The following TMEM87A variants were observed in gnomAD, a reference collection of about 807,000 sequenced individuals.
TMEM87A encodes transmembrane protein 87A, also known as Golgi-pH regulating cation channel.
A neutral mutation model predicts 90.0 loss-of-function variants in TMEM87A; 50 were observed. The observed-to-expected ratio is 0.56, with a 90% CI of 0.44 to 0.70. The LOEUF is 0.70. Ranked by LOEUF, TMEM87A falls within the 30% of genes least tolerant of loss-of-function variation. TMEM87A has a pLI of 0.00. For synonymous variants in TMEM87A, 226 were observed against 226.7 expected (o/e 1.00, Z 0.03); for missense variants, 577 against 660.5 (o/e 0.87, Z 1.39).
At chr15:42,212,484 C>G (rs2050308308) in intron 19 of TMEM87A, among the ~76,000 whole-genome samples, 1 of 152,166 alleles carries the variant, frequency 6.6e-6, no homozygotes. Flanking sequence ...GTTCTCCACT[C>G]CATCCAAGCC....
At chr15:42,263,357 T>C (rs2051334222) in intron 4 of TMEM87A, among the ~76,000 whole-genome samples, 1 of 152,230 alleles carries the variant, frequency 6.6e-6, no homozygotes, top group Non-Finnish European at 1.5e-5. Context: ...GTCAAATTCA[T>C]GGAAAGTAGA....
At chr15:42,270,648 C>A (rs10518757) in intron 2 of TMEM87A, among the ~76,000 whole-genome samples, 138,479 of 152,120 alleles carry the variant, frequency 0.91, 64,365 homozygotes, top group Non-Finnish European at 1. Context: ...TCAAACTACA[C>A]GAGAAAAAAA....
chr15:42,270,953 A>T (rs570871480), intron 2 of TMEM87A, among the ~76,000 whole-genome samples: 2 of 152,358 alleles, frequency 1.3e-5, no homozygotes, highest in East Asian at 3.9e-4. Flanking sequence ...ATAATTACTC[A>T]CTAAACAATT....
intron 6 of TMEM87A, chr15:42,258,192 C>T (rs2051218984): frequency 1.0e-6 from 1 of 969,648 alleles, no homozygotes; most frequent in Admixed American, 6.2e-5. Context: ...CAATATTTAC[C>T]AAACTGACGA....
chr15:42,214,493 G>A (rs2050348940), intron 19 of TMEM87A, among the ~76,000 whole-genome samples: 1 of 152,176 alleles, frequency 6.6e-6, no homozygotes, highest in East Asian at 1.9e-4. Context: ...TGACCAAGTG[G>A]AACAAAATAG....
intron 11 of TMEM87A, among the ~76,000 whole-genome samples, chr15:42,231,548 C>CA (rs1168167759): frequency 3.9e-5 from 6 of 151,960 alleles, no homozygotes; most frequent in African/African-American, 1.5e-4. Flanking sequence ...GACCATATTC[C>CA]AAAAAAGTTC....
intron 8 of TMEM87A, 86 bp downstream of exon 8, chr15:42,239,584 T>G (rs2050834616): frequency 2.6e-5 from 30 of 1,149,424 alleles, no homozygotes; most frequent in Middle Eastern, 4.0e-4. Flanking sequence ...AACAATTCAT[T>G]AAAAAGAATA....
In TMEM87A at chr15:42,255,358, G is replaced by A. The variant is rs146280267; in HGVS notation, c.504+5600C>T. 2.3e-3 allele frequency among the ~76,000 whole-genome samples: 345 copies of A among 152,168 alleles called. 6 individuals are homozygous for A. Among genetic ancestry groups the A allele is most frequent in the Non-Finnish European group, 2.5e-3 (171 of 68,004 alleles). On this transcript the variant is annotated intron_variant, in intron 6 of 19. Transcript: ENST00000389834. ...CGTTGGTCAGGTTGGTCTTGAACTC[G>A]TGACCTCAGGTGATCTGTCTGCCTG...
intron 3 of TMEM87A, among the ~76,000 whole-genome samples, chr15:42,266,654 T>C (rs1036477500): frequency 3.3e-5 from 5 of 152,244 alleles, no homozygotes; most frequent in African/African-American, 1.2e-4. Flanking sequence ...AGCAGTCATA[T>C]TCTTCATAGT....
chr15:42,224,720 T>A (rs2056186), intron 15 of TMEM87A, among the ~76,000 whole-genome samples: 2,542 of 152,310 alleles, frequency 0.017, 74 homozygotes, highest in African/African-American at 0.059. Flanking sequence ...CCCATATTTA[T>A]GCTATCCATG....
At chr15:42,219,698 G>T in intron 16 of TMEM87A, 56 bp from the exon 17 acceptor site, 1 of 1,195,958 alleles carries the variant, frequency 8.4e-7, no homozygotes, top group East Asian at 2.5e-5. Context: ...CAACAATGTT[G>T]GCAAAACGGA....
rs140222022 is a variant in TMEM87A at position 42,262,913 on chromosome 15, C to T, written c.405+1177G>A. 2.6e-5 allele frequency among the ~76,000 whole-genome samples: 4 copies of T among 152,244 alleles called. No individual in the cohort carries two copies. The East Asian group carries it at 7.7e-4, about 29-fold the overall frequency. ...AAAACTGAGATTACTATTTCTAAGA[C>T]AACAAAATTTGATATCAGAATCTCC... is the stretch of plus-strand genomic sequence containing the variant. On this transcript the variant is annotated intron_variant, in intron 4 of 19. Transcript: ENST00000389834.
chr15:42,250,738 G>T (rs1481870961), intron 6 of TMEM87A, among the ~76,000 whole-genome samples: 1 of 152,066 alleles, frequency 6.6e-6, no homozygotes, highest in Non-Finnish European at 1.5e-5. Context: ...TTCTTGAGGA[G>T]TATCTTTGTG....
chr15:42,242,813 A>G (rs2050896675), intron 7 of TMEM87A, among the ~76,000 whole-genome samples: 1 of 152,216 alleles, frequency 6.6e-6, no homozygotes, highest in Non-Finnish European at 1.5e-5. Context: ...TTAAACTAGG[A>G]ATAGAAAGGA....
chr15:42,234,971 C>T (rs2050746058), intron 10 of TMEM87A, among the ~76,000 whole-genome samples: 1 of 152,160 alleles, frequency 6.6e-6, no homozygotes, highest in Admixed American at 6.5e-5. Context: ...AAGGGCCCAG[C>T]CCTTGGACCT....
At chr15:42,233,517 C>T (rs1334455152) in intron 10 of TMEM87A, among the ~76,000 whole-genome samples, 1 of 152,144 alleles carries the variant, frequency 6.6e-6, no homozygotes, top group African/African-American at 2.4e-5. Context: ...CTGGTTACCA[C>T]ATTTTAAAAA....
intron 6 of TMEM87A, among the ~76,000 whole-genome samples, chr15:42,250,647 T>C (rs1022181098): frequency 1.3e-5 from 2 of 152,228 alleles, no homozygotes; most frequent in Non-Finnish European, 2.9e-5. Flanking sequence ...TAACCCGACC[T>C]TTCTCTCTGG....
At chr15:42,237,903 G>A (rs2140942966) in intron 8 of TMEM87A, among the ~76,000 whole-genome samples, 1 of 152,166 alleles carries the variant, frequency 6.6e-6, no homozygotes, top group East Asian at 1.9e-4. Flanking sequence ...TTCCTTTGGA[G>A]CTTAACATTA....
At chr15:42,236,650 C>A (rs769451431) in intron 9 of TMEM87A, among the ~76,000 whole-genome samples, 4 of 152,208 alleles carry the variant, frequency 2.6e-5, no homozygotes, top group Non-Finnish European at 5.9e-5. Flanking sequence ...CCCTCCCCGA[C>A]CTGGCCCCAA....
Sources: gnomAD v4.1 joint callset for allele counts (sites outside exome capture counted in the v4.1 genomes callset) on GRCh38, gnomAD v4.1.1 for gene constraint, MANE v1.5 for transcripts, NCBI Gene and HGNC (gene_info 2026-07-23, HGNC 2026-07-21) for gene names.